BBS4: variants seen among roughly 807,000 people sequenced by gnomAD.
BBS4 encodes Bardet-Biedl syndrome 4.
In BBS4, 58 loss-of-function variants were observed where a neutral mutation model predicts 71.4. The observed-to-expected ratio is 0.81, with a 90% CI of 0.66 to 1.01. The LOEUF (loss-of-function observed/expected upper bound fraction) is 1.01. Ranked by LOEUF, BBS4 falls within the 50% of genes least tolerant of loss-of-function variation. The pLI is 0.00. For missense variants in BBS4, 660 were observed against 607.9 expected, an observed-to-expected ratio of 1.09 and a Z score of -0.90; for synonymous variants, 228 against 216.8, an observed-to-expected ratio of 1.05 and a Z score of -0.46.
At chr15:72,722,688 T>G in intron 6 of BBS4, 106 bp from the exon 7 acceptor site, 1 of 1,039,668 alleles carries the variant, frequency 9.6e-7, no homozygotes, top group East Asian at 2.4e-5. Context: ...TAGTTTAAAG[T>G]TTAAACCTTG....
chr15:72,701,819 AAAT>A (rs1481274917), intron 2 of BBS4, among the ~76,000 whole-genome samples: 1 of 152,170 alleles, frequency 6.6e-6, no homozygotes, highest in African/African-American at 2.4e-5. Flanking sequence ...GTTTTAAAAA[AAAT>A]AATAGAAAAG....
At chr15:72,698,691 T>G (rs1198880509) in intron 2 of BBS4, among the ~76,000 whole-genome samples, 1 of 152,228 alleles carries the variant, frequency 6.6e-6, no homozygotes, top group Non-Finnish European at 1.5e-5. Context: ...TTAAAGAATT[T>G]AAAAGTTGTA....
intron 2 of BBS4, among the ~76,000 whole-genome samples, chr15:72,705,775 G>A (rs376657761): frequency 2.6e-5 from 4 of 151,572 alleles, no homozygotes; most frequent in Non-Finnish European, 5.9e-5. Flanking sequence ...TGTATTTTTT[G>A]TAGAGATGGG....
intron 1 of BBS4, among the ~76,000 whole-genome samples, chr15:72,689,808 A>C (rs1026163067): frequency 6.6e-6 from 1 of 150,710 alleles, no homozygotes; most frequent in Non-Finnish European, 1.5e-5. Context: ...TTATTTATTT[A>C]TTTATTTATT....
chr15:72,687,790 A>G (rs1023961105), intron 1 of BBS4, among the ~76,000 whole-genome samples: 21 of 148,486 alleles, frequency 1.4e-4, no homozygotes, highest in Admixed American at 1.3e-3. Flanking sequence ...AATTAGCTGG[A>G]CGTGGTGGCG....
At chr15:72,697,377 C>T (rs1365451775) in intron 2 of BBS4, among the ~76,000 whole-genome samples, 1 of 152,156 alleles carries the variant, frequency 6.6e-6, no homozygotes, top group Non-Finnish European at 1.5e-5. Flanking sequence ...ACCTCTAGTT[C>T]AGGTTTTTTC....
At chr15:72,718,586 T>C (rs1042123814) in intron 6 of BBS4, among the ~76,000 whole-genome samples, 6 of 152,210 alleles carry the variant, frequency 3.9e-5, no homozygotes, top group African/African-American at 1.4e-4. Context: ...AAGATTGAGT[T>C]GAGTCTTTAT....
At chr15:72,720,388 A>G (rs1269594641) in intron 6 of BBS4, among the ~76,000 whole-genome samples, 1 of 150,906 alleles carries the variant, frequency 6.6e-6, no homozygotes, top group Non-Finnish European at 1.5e-5. Flanking sequence ...CTGAGGTAGG[A>G]GGATCACGTT....
chr15:72,705,587 C>CT (rs762708438), intron 2 of BBS4, among the ~76,000 whole-genome samples: 18,044 of 86,730 alleles, frequency 0.21, 3,170 homozygotes, highest in African/African-American at 0.34. Context: ...ATGGCTTGTC[C>CT]TTTTTTTTTT....
In BBS4 at chr15:72,724,548, T is replaced by C. The variant is rs894151156; in HGVS notation, c.480T>C (p.Asn160=). 43 of 1,613,970 alleles carry C rather than the reference T, an allele frequency of 2.7e-5. No homozygotes were observed. The highest frequency in any genetic ancestry group is 3.6e-5 in the Non-Finnish European group (42 of 1,179,980). Residue 160 remains asparagine (N), a synonymous_variant, in exon 8 of 16, where the codon AAT becomes AAC. Transcript: ENST00000268057. ...QFNKAQDQLH[N]ALNLNRHDLT... Reference sequence around the variant, plus strand: ...GTCAGGCACAAGACCAGTTGCACAATGCCCTGAATCTTAATAGGCACGATC... The same window carrying C: ...GTCAGGCACAAGACCAGTTGCACAACGCCCTGAATCTTAATAGGCACGATC...
chr15:72,697,905 TCAG>T (rs2065104122), intron 2 of BBS4: 3 of 447,736 alleles, frequency 6.7e-6, no homozygotes, highest in African/African-American at 6.0e-5. Context: ...AAATTATTGA[TCAG>T]AACTACTTGG....
chr15:72,736,720 C>T, intron 14 of BBS4, 42 bp from the exon 15 acceptor site: 1 of 1,602,692 alleles, frequency 6.2e-7, no homozygotes, highest in Non-Finnish European at 8.5e-7. Flanking sequence ...TTGTCTCTGA[C>T]AGTCACGCTT....
rs66684005 is a variant in BBS4, at chr15:72,710,195, G to GTTTT, written c.156+438_156+441dup. 2.0e-3 allele frequency among the ~76,000 whole-genome samples: 205 copies of GTTTT among 103,200 alleles called. 19 individuals carry two copies. Among genetic ancestry groups the GTTTT allele is most frequent in the Middle Eastern group, 0.021 (2 of 94 alleles). 67.7% of individuals were successfully genotyped at this position (103,200 alleles called of 152,430 possible). ...TAGATGAAAAATGGTATTTTGTCGA[G>GTTTT]TTTTTTTTTTTTTTTTTTTTTTTTT... On this transcript the variant is annotated intron_variant, in intron 3 of 15. Coordinates refer to ENST00000268057, the MANE Select transcript of BBS4 (RefSeq NM_033028.5).
chr15:72,716,544 A>C (rs2065471288), intron 5 of BBS4, among the ~76,000 whole-genome samples: 1 of 152,146 alleles, frequency 6.6e-6, no homozygotes, highest in Non-Finnish European at 1.5e-5. Context: ...ACTCTCACTA[A>C]AATTGGTATA....
intron 14 of BBS4, 76 bp from the exon 15 acceptor site, chr15:72,736,686 C>T (rs544759404): frequency 4.0e-5 from 58 of 1,452,818 alleles, no homozygotes; most frequent in African/African-American, 7.0e-5. Flanking sequence ...AACCCCAGCT[C>T]GAAGACCAAA....
chr15:72,703,925 A>C (rs2065219039), intron 2 of BBS4, among the ~76,000 whole-genome samples: 1 of 152,218 alleles, frequency 6.6e-6, no homozygotes, highest in Non-Finnish European at 1.5e-5. Flanking sequence ...GCAGAATTTG[A>C]AATTCTTCTA....
At chr15:72,690,932 G>T (rs1372013363) in intron 1 of BBS4, among the ~76,000 whole-genome samples, 1 of 151,984 alleles carries the variant, frequency 6.6e-6, no homozygotes, top group East Asian at 1.9e-4. Flanking sequence ...GGTGTATGGT[G>T]GTTTTAATTT....
At chr15:72,688,539 G>C (rs1187904277) in intron 1 of BBS4, among the ~76,000 whole-genome samples, 3 of 145,664 alleles carry the variant, frequency 2.1e-5, no homozygotes, top group Admixed American at 7.3e-5. Context: ...TCAGCCTCCC[G>C]AGTAGCTGGG....
chr15:72,734,999 A>ACC, intron 12 of BBS4, 114 bp from the exon 13 acceptor site: 1 of 753,760 alleles, frequency 1.3e-6, no homozygotes, highest in Non-Finnish European at 2.4e-6. Context: ...AAGCTGACTT[A>ACC]GTAAACTCTG....
Sources: allele counts gnomAD v4.1 joint callset (sites outside exome capture counted in the v4.1 genomes callset), GRCh38; gene constraint gnomAD v4.1.1; transcripts MANE v1.5; gene names NCBI Gene and HGNC (gene_info 2026-07-23, HGNC 2026-07-21).